The following CHN2 variants were observed in gnomAD, a reference collection of about 807,000 sequenced individuals.
CHN2 encodes beta-chimaerin.
In CHN2, 35 loss-of-function variants were observed where a neutral mutation model predicts 56.3. That is an observed-to-expected ratio of 0.62 (90% CI 0.47 to 0.82). The LOEUF is 0.82. Among genes scored for constraint, CHN2 ranks in the 40% least tolerant of loss-of-function variants. The pLI is 0.00. For missense variants in CHN2, 491 were observed against 580.5 expected (o/e 0.85, Z 1.58); for synonymous variants, 210 against 212.8 (o/e 0.99, Z 0.12).
intron 2 of CHN2, among the ~76,000 whole-genome samples, chr7:29,154,897 A>T (rs1794121040): frequency 6.6e-6 from 1 of 152,244 alleles, no homozygotes; most frequent in African/African-American, 2.4e-5. Flanking sequence ...CAAATGAAAG[A>T]TGTTTAATTG....
chr7:29,158,133 A>G (rs905643503), intron 2 of CHN2, among the ~76,000 whole-genome samples: 1 of 152,130 alleles, frequency 6.6e-6, no homozygotes, highest in Admixed American at 6.6e-5. Context: ...AGAAGAGGGG[A>G]GTGGGCTGTA....
intron 5 of CHN2, among the ~76,000 whole-genome samples, chr7:29,400,064 G>A (rs772021076): frequency 3.7e-4 from 57 of 152,260 alleles, no homozygotes; most frequent in African/African-American, 1.3e-3. Flanking sequence ...GTAAAGATGC[G>A]TTAACAAGGG....
At chr7:29,241,173 A>T (rs1186437066) in intron 1 of CHN2, among the ~76,000 whole-genome samples, 1 of 152,184 alleles carries the variant, frequency 6.6e-6, no homozygotes, top group Non-Finnish European at 1.5e-5. Flanking sequence ...GGTGTGAGAC[A>T]CAGTGCCTGG....
chr7:29,403,353 A>G (rs1209648353), intron 6 of CHN2, among the ~76,000 whole-genome samples: 1 of 151,978 alleles, frequency 6.6e-6, no homozygotes, highest in Non-Finnish European at 1.5e-5. Flanking sequence ...TTGCTTTGCT[A>G]AGGGCGTGTC....
chr7:29,474,464 CT>C (rs61463570), intron 6 of CHN2, among the ~76,000 whole-genome samples: 2 of 151,738 alleles, frequency 1.3e-5, no homozygotes, highest in African/African-American at 4.8e-5. Flanking sequence ...CCATCTCCAA[CT>C]TTTTTTTTCC....
intron 1 of CHN2, among the ~76,000 whole-genome samples, chr7:29,290,229 C>G (rs527922039): frequency 1.3e-5 from 2 of 152,210 alleles, no homozygotes; most frequent in African/African-American, 4.8e-5. Context: ...CCTCTGCATA[C>G]CTTTATTCCC....
Position 29,271,062 on chromosome 7 carries a change from G to C in CHN2, c.49+76072G>C, listed in dbSNP as rs183046845. 4.6e-3 allele frequency among the ~76,000 whole-genome samples: 697 copies of C among 152,248 alleles called. 5 individuals carry two copies. Among genetic ancestry groups the C allele is most frequent in the African/African-American group, 0.016 (680 of 41,526 alleles). ...GAGGCTTAAAGTGAGACAGTTCCCAGGATTCAAAACTCTGCCAAACAGAAA... is the reference window on the plus strand; with the variant it reads ...GAGGCTTAAAGTGAGACAGTTCCCACGATTCAAAACTCTGCCAAACAGAAA... On this transcript the variant is annotated intron_variant, in intron 1 of 12. Transcript: ENST00000222792.
intron 1 of CHN2, among the ~76,000 whole-genome samples, chr7:29,268,492 A>G (rs1790341956): frequency 6.9e-6 from 1 of 144,470 alleles, no homozygotes; most frequent in South Asian, 2.1e-4. Flanking sequence ...AGAGGTGGAA[A>G]TGCACGGATG....
intron 1 of CHN2, among the ~76,000 whole-genome samples, chr7:29,322,927 C>T (rs1304087326): frequency 6.6e-6 from 1 of 152,076 alleles, no homozygotes; most frequent in African/African-American, 2.4e-5. Flanking sequence ...CTTCGGGAGG[C>T]CAAGGATCAC....
At chr7:29,325,552 A>G (rs1474254965) in intron 1 of CHN2, among the ~76,000 whole-genome samples, 3 of 152,196 alleles carry the variant, frequency 2.0e-5, no homozygotes, top group Non-Finnish European at 2.9e-5. Flanking sequence ...GTTCTTTCAA[A>G]TGTTACTTTC....
intron 2 of CHN2, among the ~76,000 whole-genome samples, chr7:29,365,783 G>A (rs551411677): frequency 4.8e-4 from 73 of 152,298 alleles, no homozygotes; most frequent in African/African-American, 1.7e-3. Flanking sequence ...AGAGCAATGT[G>A]AGGCCATGTA....
intron 1 of CHN2, among the ~76,000 whole-genome samples, chr7:29,310,880 G>A (rs1018714179): frequency 3.9e-5 from 6 of 152,108 alleles, no homozygotes; most frequent in Non-Finnish European, 8.8e-5. Context: ...TGGAGGTTAG[G>A]ATTTCAACAT....
intron 2 of CHN2, chr7:29,181,546 T>C (rs1427632246): frequency 6.6e-6 from 1 of 152,214 alleles, no homozygotes; most frequent in Non-Finnish European, 1.5e-5. Flanking sequence ...TGAATTATTG[T>C]AGATTAATAG....
Position 29,367,973 on chromosome 7 carries a change from A to G in CHN2, c.130A>G (p.Ile44Val). Residue 44 changes from isoleucine to valine, a missense_variant, in exon 3 of 13, where the codon ATT becomes GTT. By Grantham distance (29) the Ile-to-Val change is conservative (BLOSUM62 3). Coordinates refer to ENST00000222792, the MANE Select transcript of CHN2 (RefSeq NM_004067.4). ...QQEAPRPKRI[I>V]CPREVENRPK... Reference sequence around the variant, plus strand: ...AGAGGCACCTCGTCCCAAGAGAATCATTTGTCCTCGGGAGGTCAGTGCTCA... The same window carrying G: ...AGAGGCACCTCGTCCCAAGAGAATCGTTTGTCCTCGGGAGGTCAGTGCTCA... The G allele has an allele frequency of 6.2e-7, 1 of 1,611,214 alleles. No homozygotes were observed. The highest frequency in any genetic ancestry group is 8.5e-7 in the Non-Finnish European group (1 of 1,178,800).
At chr7:29,162,727 T>C (rs1240234672) in intron 2 of CHN2, among the ~76,000 whole-genome samples, 1 of 151,286 alleles carries the variant, frequency 6.6e-6, no homozygotes, top group East Asian at 1.9e-4. Flanking sequence ...GATTACACAT[T>C]GTATGATCTC....
chr7:29,175,252 G>A (rs1365954642), intron 2 of CHN2, among the ~76,000 whole-genome samples: 3 of 151,016 alleles, frequency 2.0e-5, no homozygotes, highest in African/African-American at 4.9e-5. Context: ...TCTGCTCACT[G>A]CAGTCTCTGA....
chr7:29,190,183 G>C (rs1378813457), upstream of CHN2, among the ~76,000 whole-genome samples: 4 of 152,202 alleles, frequency 2.6e-5, no homozygotes, highest in Non-Finnish European at 5.9e-5. Flanking sequence ...ACTACAGAGC[G>C]AAATATTTCT....
At chr7:29,387,867 T>C (rs1323492377) in intron 3 of CHN2, among the ~76,000 whole-genome samples, 1 of 152,240 alleles carries the variant, frequency 6.6e-6, no homozygotes, top group Non-Finnish European at 1.5e-5. Context: ...ATTTTTATTA[T>C]AATACATGCT....
intron 1 of CHN2, among the ~76,000 whole-genome samples, chr7:29,308,621 G>A (rs1311222905): frequency 1.3e-5 from 2 of 152,188 alleles, no homozygotes; most frequent in Admixed American, 1.3e-4. Flanking sequence ...GGAATGCGTG[G>A]AGGATTGTGT....
Sources: gnomAD v4.1 joint callset for allele counts (sites outside exome capture counted in the v4.1 genomes callset) on GRCh38, gnomAD v4.1.1 for gene constraint, MANE v1.5 for transcripts, NCBI Gene and HGNC (gene_info 2026-07-23, HGNC 2026-07-21) for gene names.